ABCB5: variants seen among roughly 807,000 people sequenced by gnomAD.
ABCB5 encodes the protein ATP binding cassette subfamily B member 5.
Under a neutral mutation model 144.2 loss-of-function variants are expected in ABCB5, and 155 were observed. That is an observed-to-expected ratio of 1.08 (90% CI 0.94 to 1.23). The LOEUF (loss-of-function observed/expected upper bound fraction) is 1.23. Ranked by LOEUF, ABCB5 falls within the 50% of genes most tolerant of loss-of-function variation. The pLI, the probability that ABCB5 is intolerant of heterozygous loss-of-function variation, is 0.00. For missense variants in ABCB5, 1,830 were observed against 1,520.8 expected, an observed-to-expected ratio of 1.20 and a Z score of -3.38; for synonymous variants, 610 against 528.6, an observed-to-expected ratio of 1.15 and a Z score of -2.11.
At position 20,643,268 on chromosome 7, in the gene ABCB5, A is replaced by G. The variant is rs1302114664; in HGVS notation, c.399A>G (p.Ala133=). Residue 133 remains alanine (A), a synonymous_variant, in exon 6 of 28, where the codon GCA becomes GCG. Coordinates refer to ENST00000404938, the MANE Select transcript of ABCB5 (RefSeq NM_001163941.2). ...TTTCCTTGTGGATTATAACTGCAGCACGACAGACCAAGAGGATTCGAAAAC... is the reference window on the plus strand; with the variant it reads ...TTTCCTTGTGGATTATAACTGCAGCGCGACAGACCAAGAGGATTCGAAAAC... The part of the protein sequence containing the change: ...IQISLWIITA[A]RQTKRIRKQF... 2 of 1,613,902 alleles carry G rather than the reference A, an allele frequency of 1.2e-6. No homozygotes were observed. The highest frequency in any genetic ancestry group is 1.7e-6 in the Non-Finnish European group (2 of 1,179,838).
intron 25 of ABCB5, among the ~76,000 whole-genome samples, chr7:20,743,679 C>G (rs1583465498): frequency 1.3e-5 from 2 of 152,218 alleles, no homozygotes; most frequent in South Asian, 2.1e-4. Flanking sequence ...ACCACATCAG[C>G]ACACCCACAC....
At chr7:20,637,179 T>C (rs1784177515) in intron 5 of ABCB5, among the ~76,000 whole-genome samples, 2 of 152,220 alleles carry the variant, frequency 1.3e-5, no homozygotes, top group Admixed American at 1.3e-4. Flanking sequence ...TAATAGTACT[T>C]CTTCCGTCTG....
chr7:20,704,755 G>A lies in ABCB5; in HGVS notation c.2369G>A (p.Ser790Asn). ...DIAWFDEKEN[S>N]TGGLTTILAI... The stretch of plus-strand genomic sequence containing the variant: ...GCCTGGTTTGATGAAAAGGAAAACA[G>A]CACAGGAGGCTTGACAACAATATTA... Residue 790 changes from serine to asparagine, a missense_variant, in exon 20 of 28, where the codon AGC (serine) becomes AAC (asparagine). Coordinates refer to ENST00000404938, the MANE Select transcript of ABCB5 (RefSeq NM_001163941.2). 6.2e-7 allele frequency: 1 copy of A among 1,613,804 alleles called. No individual in the cohort carries two copies. The highest frequency in any genetic ancestry group is 8.5e-7 in the Non-Finnish European group (1 of 1,179,840).
intron 13 of ABCB5, among the ~76,000 whole-genome samples, chr7:20,652,017 C>T (rs576948352): frequency 6.0e-4 from 91 of 151,794 alleles, no homozygotes; most frequent in African/African-American, 2.1e-3. Context: ...CATTGAAAGG[C>T]CAGATTGAAA....
intron 26 of ABCB5, among the ~76,000 whole-genome samples, chr7:20,746,444 G>A (rs141205687): frequency 3.3e-5 from 5 of 152,170 alleles, no homozygotes; most frequent in African/African-American, 1.2e-4. Context: ...CCTTTGCAGA[G>A]GCTTTCCCTA....
At chr7:20,673,508 G>T (rs1420591510) in intron 14 of ABCB5, among the ~76,000 whole-genome samples, 5 of 151,960 alleles carry the variant, frequency 3.3e-5, no homozygotes, top group African/African-American at 1.2e-4. Context: ...TATTCATTAG[G>T]AAATAAACTT....
intron 12 of ABCB5, among the ~76,000 whole-genome samples, chr7:20,651,108 G>C (rs1438111433): frequency 6.6e-6 from 1 of 152,146 alleles, no homozygotes; most frequent in African/African-American, 2.4e-5. Flanking sequence ...TTTTGTATGT[G>C]TCTACATAAT....
At chr7:20,651,374 A>G (rs1465603874) in intron 12 of ABCB5, 46 bp from the exon 13 acceptor site, 3 of 1,598,688 alleles carry the variant, frequency 1.9e-6, no homozygotes, top group East Asian at 2.2e-5. Context: ...CCTAAAATCA[A>G]TACAGTAAAA....
chr7:20,667,096 AT>A (rs1421744260), intron 14 of ABCB5: 16 of 656,826 alleles, frequency 2.4e-5, no homozygotes, highest in Non-Finnish European at 3.1e-5. Flanking sequence ...ATGTAGGCCC[AT>A]TTTATGGACC....
chr7:20,660,293 G>A, intron 14 of ABCB5: 2 of 985,154 alleles, frequency 2.0e-6, no homozygotes. Context: ...TAACAGCTAT[G>A]TGGCATAATT....
Position 20,654,070 on chromosome 7 carries a change from A to C in ABCB5, c.1536+2447A>C, listed in dbSNP as rs376785337. Among the ~76,000 whole-genome samples, 26 of 152,312 alleles carry C rather than the reference A, an allele frequency of 1.7e-4. No homozygotes were observed. In the South Asian group the frequency reaches 5.4e-3, roughly 32 times the overall value. ...AGGTTTTGGAGGTTGTGTTCTGCCA[A>C]GTTATGTGGCTTTCTACAAATTCAC... On this transcript the variant is annotated intron_variant, in intron 13 of 27. Coordinates refer to ENST00000404938, the MANE Select transcript of ABCB5 (RefSeq NM_001163941.2).
intron 26 of ABCB5, among the ~76,000 whole-genome samples, chr7:20,750,146 C>T (rs908470456): frequency 3.3e-5 from 5 of 152,276 alleles, no homozygotes; most frequent in African/African-American, 1.2e-4. Flanking sequence ...GACAAAGACA[C>T]AGGCAGCTTG....
chr7:20,710,058 C>T lies in ABCB5; in HGVS notation c.2421+5251C>T, dbSNP rs78591553. Among the ~76,000 whole-genome samples the T allele has an allele frequency of 3.6e-5, 5 of 138,654 alleles. 1 individual carries two copies. Among genetic ancestry groups the T allele is most frequent in the Non-Finnish European group, 6.1e-5 (4 of 65,278 alleles). 91.0% of individuals were successfully genotyped at this position (138,654 alleles called of 152,430 possible). A position where few individuals can be genotyped will look rare whatever the true frequency, so the allele number is the denominator to read the frequency against. The stretch of plus-strand genomic sequence containing the variant: ...CCATCCTGGGCGACAGAGCAAGACT[C>T]TAAAAAAAAAAAAGAAAAAAAATAG... On this transcript the variant is annotated intron_variant, in intron 20 of 27. Transcript: ENST00000404938.
At chr7:20,645,402 C>A (rs1328516133) in intron 7 of ABCB5, among the ~76,000 whole-genome samples, 2 of 152,108 alleles carry the variant, frequency 1.3e-5, no homozygotes, top group African/African-American at 2.4e-5. Context: ...ACTTGCTATG[C>A]GAATAGGCAA....
chr7:20,633,791 T>C (rs768502106), intron 5 of ABCB5, among the ~76,000 whole-genome samples: 2 of 152,122 alleles, frequency 1.3e-5, no homozygotes, highest in African/African-American at 2.4e-5. Flanking sequence ...TTTCCCAGTC[T>C]CTAGTATCCT....
At chr7:20,738,192 G>A (rs534848127) in intron 23 of ABCB5, among the ~76,000 whole-genome samples, 15 of 152,290 alleles carry the variant, frequency 9.8e-5, no homozygotes, top group African/African-American at 3.4e-4. Flanking sequence ...GCCTGATTGT[G>A]CCGTTAGGTT....
At chr7:20,669,996 T>C (rs1242938247) in intron 14 of ABCB5, among the ~76,000 whole-genome samples, 1 of 152,210 alleles carries the variant, frequency 6.6e-6, no homozygotes, top group Admixed American at 6.5e-5. Context: ...CTGAATATCT[T>C]ACCTGTAAAA....
chr7:20,651,537 T>C lies in ABCB5; in HGVS notation c.1450T>C (p.Tyr484His). 2.5e-6 allele frequency: 4 copies of C among 1,614,002 alleles called. No homozygotes were observed. Among genetic ancestry groups the C allele is most frequent in the Non-Finnish European group, 3.4e-6 (4 of 1,179,990 alleles). ...FGTTISNNIK[Y>H]GRDDVTDEEM... ...GACCACCATCAGTAACAATATCAAG[T>C]ATGGACGAGATGATGTGACTGATGA... The change falls in exon 13 of 28, where the codon TAT becomes CAT. Residue 484 changes from tyrosine to histidine, a missense_variant. Tyr to His is a moderately conservative substitution (Grantham distance 83). Transcript: ENST00000404938.
At chr7:20,620,432 T>C (rs1016174404) in intron 1 of ABCB5, among the ~76,000 whole-genome samples, 9 of 152,056 alleles carry the variant, frequency 5.9e-5, no homozygotes, top group Non-Finnish European at 1.3e-4. Flanking sequence ...CTTTTGCTTA[T>C]TAAAGGAAAC....
Sources: allele counts gnomAD v4.1 joint callset (sites outside exome capture counted in the v4.1 genomes callset), GRCh38; gene constraint gnomAD v4.1.1; transcripts MANE v1.5; gene names NCBI Gene and HGNC (gene_info 2026-07-23, HGNC 2026-07-21).